TET1: variants seen among roughly 807,000 people sequenced by gnomAD.
The protein encoded by TET1 is methylcytosine dioxygenase TET1.
TET1 carries 13 observed loss-of-function variants against 148.7 expected under a neutral mutation model. The ratio of observed to expected loss-of-function variants is 0.09; its 90% confidence interval spans 0.06 to 0.14. TET1 has a LOEUF of 0.14. Ranked by LOEUF, TET1 falls within the 10% of genes least tolerant of loss-of-function variation. The pLI is 1.00. For missense variants in TET1, 2,182 were observed against 2,553.8 expected, an observed-to-expected ratio of 0.85 and a Z score of 3.14; for synonymous variants, 907 against 937.2, an observed-to-expected ratio of 0.97 and a Z score of 0.59.
At chr10:68,631,786 C>T (rs2054575588) in intron 3 of TET1, among the ~76,000 whole-genome samples, 1 of 152,016 alleles carries the variant, frequency 6.6e-6, no homozygotes, top group Non-Finnish European at 1.5e-5. Flanking sequence ...AAAGCTGAGA[C>T]GTAAATAGAC....
At chr10:68,672,853 T>A in intron 7 of TET1, 42 bp from the exon 8 acceptor site, 1 of 1,568,262 alleles carries the variant, frequency 6.4e-7, no homozygotes, top group Non-Finnish European at 8.7e-7. Context: ...TGAGGTATTG[T>A]AATGCTTCAT....
intron 6 of TET1, among the ~76,000 whole-genome samples, chr10:68,657,405 C>T (rs976643187): frequency 1.3e-5 from 2 of 151,974 alleles, no homozygotes; most frequent in African/African-American, 4.8e-5. Flanking sequence ...CTCGATCTCC[C>T]GACCTCGTGA....
chr10:68,637,065 T>C (rs6480350), intron 3 of TET1, among the ~76,000 whole-genome samples: 74,397 of 150,964 alleles, frequency 0.49, 19,225 homozygotes, highest in Non-Finnish European at 0.58. Context: ...GTGGTGCAAT[T>C]TCGGCTCACT....
intron 3 of TET1, among the ~76,000 whole-genome samples, chr10:68,604,540 C>A (rs925896679): frequency 9.2e-4 from 140 of 152,182 alleles, no homozygotes; most frequent in African/African-American, 3.1e-3. Flanking sequence ...GATGCTCTTG[C>A]AAGGAGTCAA....
intron 10 of TET1, among the ~76,000 whole-genome samples, chr10:68,684,177 C>T (rs1439967634): frequency 6.6e-6 from 1 of 152,012 alleles, no homozygotes; most frequent in East Asian, 1.9e-4. Context: ...TTGCTTGAGC[C>T]CCGGGAGTTC....
chr10:68,569,166 C>CTTTTTT lies in TET1; in HGVS notation c.-122-3032_-122-3027dup, dbSNP rs34385747. Among the ~76,000 whole-genome samples the CTTTTTT allele has an allele frequency of 3.1e-3, 216 of 69,756 alleles. 20 individuals carry two copies. Among genetic ancestry groups the CTTTTTT allele is most frequent in the African/African-American group, 0.01 (174 of 17,394 alleles). 45.8% of individuals were successfully genotyped at this position (69,756 alleles called of 152,430 possible). A position where few individuals can be genotyped will look rare whatever the true frequency, so the allele number is the denominator to read the frequency against. On this transcript the variant is annotated intron_variant, in intron 1 of 11. Coordinates refer to ENST00000373644, the MANE Select transcript of TET1 (RefSeq NM_030625.3). Reference sequence around the variant, plus strand: ...GCTGGATCTCCAGGCAGGAGAGTTTCTTTTTTTTTTTTTTTTTTTTTTTTG... The same window carrying CTTTTTT: ...GCTGGATCTCCAGGCAGGAGAGTTTCTTTTTTTTTTTTTTTTTTTTTTTTTTTTTTG...
At chr10:68,563,325 T>TTTCGA in intron 1 of TET1, among the ~76,000 whole-genome samples, 1 of 152,266 alleles carries the variant, frequency 6.6e-6, no homozygotes, top group East Asian at 1.9e-4. Flanking sequence ...GTTGCCTGCC[T>TTTCGA]GCTCTTCCTT....
Position 68,693,576 on chromosome 10 carries a change from A to G in TET1, c.*1762A>G, listed in dbSNP as rs932592674. ...AATGTCCATTGATAGACCATCGTGT[A>G]CAAGTAGATTTCTGCTTGTTGAATA... On this transcript the variant is annotated 3_prime_UTR_variant, in exon 12 of 12. Coordinates refer to ENST00000373644, the MANE Select transcript of TET1 (RefSeq NM_030625.3). 8.6e-6 allele frequency: 2 copies of G among 232,918 alleles called. No homozygotes were observed. The highest frequency in any genetic ancestry group is 1.7e-5 in the Non-Finnish European group (2 of 117,796). 14.4% of individuals were successfully genotyped at this position (232,918 alleles called of 1,614,324 possible).
At chr10:68,642,012 G>A (rs1362597995) in intron 3 of TET1, among the ~76,000 whole-genome samples, 1 of 152,096 alleles carries the variant, frequency 6.6e-6, no homozygotes, top group Admixed American at 6.6e-5. Flanking sequence ...TAAATATTGT[G>A]TATATTTATC....
Position 68,573,923 on chromosome 10 carries a change from G to C in TET1, c.1585G>C (p.Gly529Arg), listed in dbSNP as rs911134937. 6.2e-7 allele frequency: 1 copy of C among 1,614,112 alleles called. No individual in the cohort carries two copies. The highest frequency in any genetic ancestry group is 8.5e-7 in the Non-Finnish European group (1 of 1,180,010). ...GAGAGGACTCTTCCATGCTTCACTGGGTATAGCCCAACTCTCTCAGGCTGG... is the reference window on the plus strand; with the variant it reads ...GAGAGGACTCTTCCATGCTTCACTGCGTATAGCCCAACTCTCTCAGGCTGG... ...PERGLFHASL[G>R]IAQLSQAGPS... is the part of the protein sequence containing the mutation. The change falls in exon 2 of 12, where the codon GGT becomes CGT. Residue 529 changes from glycine (G) to arginine (R), a missense_variant. Physicochemically the swap from Gly to Arg is moderately radical, Grantham distance 125 (BLOSUM62 -2). Coordinates refer to ENST00000373644, the MANE Select transcript of TET1 (RefSeq NM_030625.3).
At chr10:68,625,169 A>C (rs1438754456) in intron 3 of TET1, among the ~76,000 whole-genome samples, 2 of 152,132 alleles carry the variant, frequency 1.3e-5, no homozygotes, top group East Asian at 3.8e-4. Context: ...TTAAATTTAG[A>C]AGGTCTTAGG....
chr10:68,638,063 G>A (rs562414470), intron 3 of TET1, among the ~76,000 whole-genome samples: 1 of 152,230 alleles, frequency 6.6e-6, no homozygotes, highest in African/African-American at 2.4e-5. Context: ...ACAGGCGTGA[G>A]CCACCATGAC....
chr10:68,628,202 C>T (rs926299293), intron 3 of TET1, among the ~76,000 whole-genome samples: 2 of 152,166 alleles, frequency 1.3e-5, no homozygotes, highest in Non-Finnish European at 2.9e-5. Flanking sequence ...CCGCCTTGGC[C>T]TCCCAAAGTG....
At chr10:68,624,694 C>CTCTCTCTCTCTT (rs768656277) in intron 3 of TET1, among the ~76,000 whole-genome samples, 44 of 95,810 alleles carry the variant, frequency 4.6e-4, no homozygotes, top group Non-Finnish European at 7.1e-4. Flanking sequence ...CTCTCTCTCT[C>CTCTCTCTCTCTT]TCTTTCTTTC....
At chr10:68,652,907 C>G (rs1244205688) in intron 6 of TET1, among the ~76,000 whole-genome samples, 2 of 148,058 alleles carry the variant, frequency 1.4e-5, no homozygotes, top group Non-Finnish European at 3.0e-5. Context: ...CCTCAGTCCC[C>G]TAAAGTGCTG....
rs755923441 is a variant in TET1 at position 68,644,823 on chromosome 10, T to C, written c.2094T>C (p.Asn698=). ...ATACTGTTGAAAATGTAACTAAAAA[T>C]GAAGACAGCATGACAGGCATCGAGG... ...NPHTVENVTK[N]EDSMTGIEVE... is the part of the protein sequence containing the mutation. Residue 698 remains asparagine (N), a synonymous_variant, in exon 4 of 12, where the codon AAT becomes AAC. Transcript: ENST00000373644. 3 of 1,613,784 alleles carry C rather than the reference T, an allele frequency of 1.9e-6. No homozygotes were observed. The highest frequency in any genetic ancestry group is 2.5e-6 in the Non-Finnish European group (3 of 1,179,900).
chr10:68,639,258 C>T (rs1250641849), intron 3 of TET1, among the ~76,000 whole-genome samples: 3 of 151,574 alleles, frequency 2.0e-5, no homozygotes, highest in Admixed American at 2.0e-4. Context: ...CCAGTCCCTA[C>T]TAAAAATACA....
rs1470800717 is a variant in TET1, at chr10:68,645,499, G to C, written c.2770G>C (p.Ala924Pro). ...EKDEESEQRTASLLNSCKAIL... is the reference protein window; with the variant it reads ...EKDEESEQRTPSLLNSCKAIL... Reference sequence around the variant, plus strand: ...GGATGAGGAATCAGAGCAGAGAACAGCCAGTTTGCTTAATAGCTGCAAAGC... The same window carrying C: ...GGATGAGGAATCAGAGCAGAGAACACCCAGTTTGCTTAATAGCTGCAAAGC... Residue 924 changes from alanine (A) to proline (P), a missense_variant, in exon 4 of 12, where the codon GCC (alanine) becomes CCC (proline). Ala to Pro is a conservative substitution (Grantham distance 27). Coordinates refer to ENST00000373644, the MANE Select transcript of TET1 (RefSeq NM_030625.3). 1 of 1,613,944 alleles carries C rather than the reference G, an allele frequency of 6.2e-7. No homozygotes were observed. Among genetic ancestry groups the C allele is most frequent in the East Asian group, 2.2e-5 (1 of 44,878 alleles).
chr10:68,634,019 G>A (rs2054614865), intron 3 of TET1, among the ~76,000 whole-genome samples: 1 of 152,130 alleles, frequency 6.6e-6, no homozygotes, highest in East Asian at 1.9e-4. Context: ...TGAGCAGCTA[G>A]GACTTCAGGC....
Sources: gnomAD v4.1 joint callset for allele counts (sites outside exome capture counted in the v4.1 genomes callset) on GRCh38, gnomAD v4.1.1 for gene constraint, MANE v1.5 for transcripts, NCBI Gene and HGNC (gene_info 2026-07-23, HGNC 2026-07-21) for gene names.